The following THRB variants were observed in gnomAD, a reference collection of about 807,000 sequenced individuals.
THRB encodes the protein thyroid hormone receptor beta, also known as nuclear receptor subfamily 1 group A member 2.
Under a neutral mutation model 47.8 loss-of-function variants are expected in THRB, and 12 were observed. The ratio of observed to expected loss-of-function variants is 0.25; its 90% CI spans 0.16 to 0.41. The LOEUF (loss-of-function observed/expected upper bound fraction) is 0.41. Ranked by LOEUF, THRB falls within the 10% of genes least tolerant of loss-of-function variation. The pLI is 1.00. For missense variants in THRB, 348 were observed against 589.2 expected (o/e 0.59, Z 4.24); for synonymous variants, 218 against 212.2 (o/e 1.03, Z -0.24).
At chr3:24,353,866 C>A (rs2063508103) in intron 1 of THRB, among the ~76,000 whole-genome samples, 1 of 152,106 alleles carries the variant, frequency 6.6e-6, no homozygotes, top group Non-Finnish European at 1.5e-5. Flanking sequence ...GGCAAGTCAT[C>A]TCAATCTCTT....
intron 3 of THRB, among the ~76,000 whole-genome samples, chr3:24,261,662 T>G (rs886401392): frequency 6.6e-6 from 1 of 152,150 alleles, no homozygotes; most frequent in African/African-American, 2.4e-5. Flanking sequence ...CAATCAGACT[T>G]AGTTCTCTCC....
chr3:24,328,637 T>G (rs1296598073), intron 2 of THRB, among the ~76,000 whole-genome samples: 4 of 152,200 alleles, frequency 2.6e-5, no homozygotes, highest in Non-Finnish European at 5.9e-5. Context: ...TACTGTAATG[T>G]TTCTTGAATA....
intron 4 of THRB, among the ~76,000 whole-genome samples, chr3:24,209,064 G>A (rs1048205901): frequency 6.6e-6 from 1 of 152,202 alleles, no homozygotes; most frequent in Non-Finnish European, 1.5e-5. Context: ...CATTTTTGCA[G>A]CCAACAGGCA....
chr3:24,403,167 T>C (rs2067554813), intron 1 of THRB, among the ~76,000 whole-genome samples: 1 of 151,950 alleles, frequency 6.6e-6, no homozygotes, highest in South Asian at 2.1e-4. Flanking sequence ...AAAGCATACA[T>C]ACAGAATGGA....
intron 1 of THRB, among the ~76,000 whole-genome samples, chr3:24,419,256 A>C (rs933872780): frequency 6.6e-6 from 1 of 151,864 alleles, no homozygotes; most frequent in African/African-American, 2.4e-5. Context: ...GGCAGGCTCA[A>C]TGCTATCCCA....
chr3:24,417,291 A>G (rs2068839680), intron 1 of THRB, among the ~76,000 whole-genome samples: 1 of 152,044 alleles, frequency 6.6e-6, no homozygotes, highest in African/African-American at 2.4e-5. Context: ...ATGTAAAATA[A>G]ATAAGAAAGG....
chr3:24,154,087 C>T (rs2037430004), intron 5 of THRB, among the ~76,000 whole-genome samples: 1 of 152,142 alleles, frequency 6.6e-6, no homozygotes, highest in African/African-American at 2.4e-5. Context: ...AATGTTCCTT[C>T]TTGGGAGGCA....
intron 1 of THRB, among the ~76,000 whole-genome samples, chr3:24,397,793 C>T (rs1015681612): frequency 2.0e-5 from 3 of 151,904 alleles, no homozygotes; most frequent in Non-Finnish European, 4.4e-5. Flanking sequence ...CTATGTTGGT[C>T]AGGCTGGTTT....
chr3:24,260,692 C>A (rs1259974590), intron 3 of THRB, among the ~76,000 whole-genome samples: 1 of 152,148 alleles, frequency 6.6e-6, no homozygotes, highest in East Asian at 1.9e-4. Flanking sequence ...TTCCATTCTC[C>A]TAGACAACTG....
At chr3:24,364,661 A>C (rs891235825) in intron 1 of THRB, among the ~76,000 whole-genome samples, 22 of 152,278 alleles carry the variant, frequency 1.4e-4, no homozygotes, top group East Asian at 3.9e-4. Context: ...CAAACAAGAC[A>C]TAATAATTTG....
chr3:24,425,440 C>A (rs2069661486), intron 1 of THRB, among the ~76,000 whole-genome samples: 1 of 151,582 alleles, frequency 6.6e-6, no homozygotes, highest in South Asian at 2.1e-4. Flanking sequence ...GAGTACGCAC[C>A]TTTTTTTCCT....
intron 9 of THRB, among the ~76,000 whole-genome samples, chr3:24,131,661 C>A (rs2148878139): frequency 6.6e-6 from 1 of 152,210 alleles, no homozygotes; most frequent in East Asian, 1.9e-4. Context: ...GGGATTTGTG[C>A]CCTTGTAAAA....
intron 3 of THRB, among the ~76,000 whole-genome samples, chr3:24,252,920 G>A (rs1163234926): frequency 6.6e-6 from 1 of 152,116 alleles, no homozygotes; most frequent in Non-Finnish European, 1.5e-5. Context: ...CACTGCCTAT[G>A]AGGAGGGGAC....
chr3:24,370,328 T>C (rs1200307245), intron 1 of THRB, among the ~76,000 whole-genome samples: 7 of 152,082 alleles, frequency 4.6e-5, no homozygotes, highest in Non-Finnish European at 2.9e-5. Flanking sequence ...AAAAAATACG[T>C]GGATGGCTTT....
At chr3:24,213,934 G>A (rs1009929803) in intron 4 of THRB, among the ~76,000 whole-genome samples, 1 of 152,146 alleles carries the variant, frequency 6.6e-6, no homozygotes, top group African/African-American at 2.4e-5. Context: ...CTGCAGATAT[G>A]GTCACTGTGG....
chr3:24,147,072 G>A (rs1015584214), intron 6 of THRB, among the ~76,000 whole-genome samples: 1 of 152,026 alleles, frequency 6.6e-6, no homozygotes, highest in Non-Finnish European at 1.5e-5. Context: ...TCAAGGAAAA[G>A]AGGCTAGTAG....
At chr3:24,186,382 A>G (rs1269424300) in intron 5 of THRB, among the ~76,000 whole-genome samples, 2 of 130,594 alleles carry the variant, frequency 1.5e-5, no homozygotes, top group Non-Finnish European at 3.2e-5. Context: ...TGGCTGAGCA[A>G]TTGGTTCAAA....
chr3:24,261,474 G>A (rs540231266), intron 3 of THRB, among the ~76,000 whole-genome samples: 3 of 121,166 alleles, frequency 2.5e-5, no homozygotes, highest in African/African-American at 9.4e-5. Flanking sequence ...ACTCCAGCCT[G>A]ACAACAGAGC....
intron 1 of THRB, among the ~76,000 whole-genome samples, chr3:24,412,612 T>C (rs896436010): frequency 1.3e-5 from 2 of 151,824 alleles, no homozygotes; most frequent in South Asian, 2.1e-4. Flanking sequence ...TCTCCTACTG[T>C]GTCAAGTGGG....
Sources: gnomAD v4.1 joint callset for allele counts (sites outside exome capture counted in the v4.1 genomes callset) on GRCh38, gnomAD v4.1.1 for gene constraint, MANE v1.5 for transcripts, NCBI Gene and HGNC (gene_info 2026-07-23, HGNC 2026-07-21) for gene names.